Variants in CDH18 observed in about 807,000 individuals in gnomAD.
CDH18 encodes the protein cadherin-18.
A neutral mutation model predicts 67.9 loss-of-function variants in CDH18; 31 were observed. The observed-to-expected ratio is 0.46, with a 90% CI of 0.34 to 0.62. The LOEUF is 0.62. Among genes scored for constraint, CDH18 ranks in the 20% least tolerant of loss-of-function variants. CDH18 has a pLI of 0.01. For synonymous variants in CDH18, 362 were observed against 347.2 expected (o/e 1.04, Z -0.48); for missense variants, 890 against 975.5 (o/e 0.91, Z 1.17).
At chr5:19,506,926 C>T (rs1744277047) in intron 10 of CDH18, among the ~76,000 whole-genome samples, 1 of 152,172 alleles carries the variant, frequency 6.6e-6, no homozygotes, top group African/African-American at 2.4e-5. Flanking sequence ...AACTAAAGAG[C>T]TTCTGCACAG....
intron 3 of CDH18, among the ~76,000 whole-genome samples, chr5:19,810,746 G>A (rs1008907677): frequency 1.3e-5 from 2 of 151,962 alleles, no homozygotes; most frequent in African/African-American, 2.4e-5. Context: ...ATGTTGGCTG[G>A]GCACAGTGGC....
intron 1 of CDH18, among the ~76,000 whole-genome samples, chr5:20,496,674 G>A (rs182796145): frequency 9.2e-5 from 14 of 151,970 alleles, no homozygotes; most frequent in African/African-American, 2.4e-4. Flanking sequence ...TGCTCTTCAC[G>A]CTTTTACTTG....
chr5:19,513,863 A>G (rs993437261), intron 10 of CDH18, among the ~76,000 whole-genome samples: 1 of 150,836 alleles, frequency 6.6e-6, no homozygotes, highest in Non-Finnish European at 1.5e-5. Flanking sequence ...TTTTTTTTTT[A>G]TACTTTAAGT....
intron 2 of CDH18, among the ~76,000 whole-genome samples, chr5:20,043,392 G>A (rs1204226580): frequency 6.6e-6 from 1 of 151,956 alleles, no homozygotes; most frequent in Non-Finnish European, 1.5e-5. Flanking sequence ...CTAAAGGTTT[G>A]CCTCTACTTT....
chr5:19,892,925 G>A (rs1337613346), intron 2 of CDH18, among the ~76,000 whole-genome samples: 3 of 152,152 alleles, frequency 2.0e-5, no homozygotes, highest in Admixed American at 2.0e-4. Flanking sequence ...TGTTATTTAA[G>A]CTGTCAAGTT....
intron 1 of CDH18, among the ~76,000 whole-genome samples, chr5:20,477,557 C>T (rs768120388): frequency 1.1e-4 from 16 of 152,266 alleles, no homozygotes; most frequent in Non-Finnish European, 1.6e-4. Flanking sequence ...GGGCAGAATT[C>T]GGATAGAGCC....
At chr5:20,088,408 A>G (rs536374317) in intron 2 of CDH18, among the ~76,000 whole-genome samples, 1 of 152,310 alleles carries the variant, frequency 6.6e-6, no homozygotes. Context: ...GTAATCTCTC[A>G]GGACAGTTTT....
intron 2 of CDH18, among the ~76,000 whole-genome samples, chr5:20,019,219 A>G (rs919795662): frequency 2.0e-5 from 3 of 152,244 alleles, no homozygotes; most frequent in Non-Finnish European, 4.4e-5. Flanking sequence ...AGACAATAAA[A>G]TAAGAATGAT....
chr5:20,461,115 C>T (rs1381339870), intron 1 of CDH18, among the ~76,000 whole-genome samples: 2 of 152,140 alleles, frequency 1.3e-5, no homozygotes, highest in Admixed American at 1.3e-4. Flanking sequence ...GTTTTGCTGT[C>T]AGGCTTGGTC....
chr5:19,505,808 G>A (rs1276551465), intron 10 of CDH18, among the ~76,000 whole-genome samples: 1 of 151,998 alleles, frequency 6.6e-6, no homozygotes, highest in Non-Finnish European at 1.5e-5. Flanking sequence ...GCCAGGCTTT[G>A]GTATCAGGAT....
At chr5:19,787,225 C>G (rs1164441550) in intron 3 of CDH18, among the ~76,000 whole-genome samples, 1 of 152,094 alleles carries the variant, frequency 6.6e-6, no homozygotes, top group African/African-American at 2.4e-5. Flanking sequence ...AGAGCCAAGG[C>G]AGGTGGATCA....
At chr5:20,517,863 G>A (rs1431571192) in intron 1 of CDH18, among the ~76,000 whole-genome samples, 1 of 152,082 alleles carries the variant, frequency 6.6e-6, no homozygotes, top group Non-Finnish European at 1.5e-5. Context: ...AAAAGTATTG[G>A]AAGAAAATTC....
intron 5 of CDH18, among the ~76,000 whole-genome samples, chr5:19,635,126 T>C (rs943169779): frequency 1.3e-5 from 2 of 152,172 alleles, no homozygotes; most frequent in Middle Eastern, 3.4e-3. Context: ...ACAAAGAAAA[T>C]CAAATACTAA....
intron 2 of CDH18, among the ~76,000 whole-genome samples, chr5:20,015,646 T>C (rs1010001989): frequency 2.0e-5 from 3 of 152,276 alleles, no homozygotes; most frequent in East Asian, 3.9e-4. Context: ...AATTCTGTTA[T>C]GGAGAACAGG....
intron 2 of CDH18, among the ~76,000 whole-genome samples, chr5:20,170,042 C>T (rs948578874): frequency 1.3e-5 from 2 of 151,276 alleles, no homozygotes; most frequent in African/African-American, 4.9e-5. Context: ...ATTTTAAGTT[C>T]TGGGATATAT....
chr5:20,454,004 T>G (rs1231470565), intron 1 of CDH18, among the ~76,000 whole-genome samples: 2 of 152,130 alleles, frequency 1.3e-5, no homozygotes, highest in Non-Finnish European at 2.9e-5. Context: ...AAAGACTATA[T>G]GCTCTTCTGA....
chr5:19,525,043 C>T (rs1320654471), intron 9 of CDH18, among the ~76,000 whole-genome samples: 1 of 152,136 alleles, frequency 6.6e-6, no homozygotes, highest in African/African-American at 2.4e-5. Context: ...CCGCGCCTGG[C>T]CAAATCTCTG....
rs143058439 is a variant in CDH18 at position 19,733,976 on chromosome 5, C to T, written c.524-12510G>A. 2.0e-3 allele frequency among the ~76,000 whole-genome samples: 305 copies of T among 152,268 alleles called. 1 individual carries two copies. Among genetic ancestry groups the T allele is most frequent in the African/African-American group, 7.0e-3 (289 of 41,548 alleles). The stretch of plus-strand genomic sequence containing the variant: ...ATGCTCACTCCTGCCAGGGGCTGAG[C>T]GCAGTGGGCTGAGTAGGTGGGGTGT... On this transcript the variant is annotated intron_variant, in intron 4 of 12. Transcript: ENST00000382275.
chr5:19,760,850 T>A (rs999964432), intron 3 of CDH18, among the ~76,000 whole-genome samples: 1 of 152,146 alleles, frequency 6.6e-6, no homozygotes, highest in Non-Finnish European at 1.5e-5. Context: ...AGGCCATCAC[T>A]GTTGCCGTTG....
Sources: allele counts gnomAD v4.1 joint callset (sites outside exome capture counted in the v4.1 genomes callset), GRCh38; gene constraint gnomAD v4.1.1; transcripts MANE v1.5; gene names NCBI Gene and HGNC (gene_info 2026-07-23, HGNC 2026-07-21).